The following LSAMP variants were observed in gnomAD, a reference collection of about 807,000 sequenced individuals.
The protein encoded by LSAMP is limbic system associated membrane protein.
Under a neutral mutation model 38.6 loss-of-function variants are expected in LSAMP, and 7 were observed. The ratio of observed to expected loss-of-function variants is 0.18; its 90% CI spans 0.10 to 0.34. LSAMP has a LOEUF of 0.34. Among genes scored for constraint, LSAMP ranks in the 10% least tolerant of loss-of-function variants. The pLI, the probability that LSAMP is intolerant of heterozygous loss-of-function variation, is 1.00. For missense variants in LSAMP, 313 were observed against 420.0 expected (o/e 0.75, Z 2.23); for synonymous variants, 154 against 166.8 (o/e 0.92, Z 0.59).
chr3:116,396,648 A>G, intron 1 of LSAMP, among the ~76,000 whole-genome samples: 1 of 152,246 alleles, frequency 6.6e-6, no homozygotes, highest in East Asian at 1.9e-4. Context: ...AGGATCTAGC[A>G]GTATATCCAT....
intron 1 of LSAMP, among the ~76,000 whole-genome samples, chr3:116,313,038 G>C (rs951531774): frequency 2.6e-4 from 39 of 152,054 alleles, no homozygotes; most frequent in Admixed American, 2.6e-3. Context: ...AAGTTCTTTG[G>C]AACAAAAACA....
chr3:116,377,516 T>C (rs2048509102), intron 1 of LSAMP, among the ~76,000 whole-genome samples: 1 of 152,094 alleles, frequency 6.6e-6, no homozygotes, highest in Admixed American at 6.6e-5. Context: ...GTCTTTGCTA[T>C]TTTGAATAGT....
chr3:116,023,354 G>A (rs1940691005), intron 2 of LSAMP, among the ~76,000 whole-genome samples: 1 of 151,764 alleles, frequency 6.6e-6, no homozygotes, highest in African/African-American at 2.4e-5. Context: ...CAGCACTTTG[G>A]GAGGCCGAGG....
chr3:115,865,565 C>T (rs1359674747), intron 3 of LSAMP, among the ~76,000 whole-genome samples: 1 of 152,160 alleles, frequency 6.6e-6, no homozygotes, highest in Non-Finnish European at 1.5e-5. Context: ...TGATCAGCAT[C>T]TGTACAGGTG....
intron 1 of LSAMP, among the ~76,000 whole-genome samples, chr3:116,397,083 T>C (rs1345090794): frequency 6.6e-6 from 1 of 152,162 alleles, no homozygotes; most frequent in Non-Finnish European, 1.5e-5. Context: ...CGTTAAGTCA[T>C]CGTGTCACTC....
intron 3 of LSAMP, among the ~76,000 whole-genome samples, chr3:115,927,184 A>G (rs993763462): frequency 7.2e-5 from 11 of 152,170 alleles, no homozygotes; most frequent in African/African-American, 1.2e-4. Context: ...ATCATAAAGG[A>G]CATTGATCTC....
intron 1 of LSAMP, among the ~76,000 whole-genome samples, chr3:116,321,034 A>G (rs189267298): frequency 2.6e-5 from 4 of 152,290 alleles, no homozygotes; most frequent in African/African-American, 9.6e-5. Flanking sequence ...AAAAGAAAAT[A>G]TCCTTCATTC....
chr3:116,281,388 A>T (rs957731709), intron 1 of LSAMP, among the ~76,000 whole-genome samples: 1 of 152,192 alleles, frequency 6.6e-6, no homozygotes, highest in Non-Finnish European at 1.5e-5. Flanking sequence ...CTTCCTTTGC[A>T]TTCATGACAA....
chr3:116,115,783 T>C (rs1285400423), intron 1 of LSAMP, among the ~76,000 whole-genome samples: 2 of 150,472 alleles, frequency 1.3e-5, no homozygotes, highest in East Asian at 1.9e-4. Context: ...AGTATTGCTA[T>C]TGAGAAGTCC....
At chr3:116,048,414 A>C (rs1032478764) in intron 2 of LSAMP, among the ~76,000 whole-genome samples, 4 of 152,204 alleles carry the variant, frequency 2.6e-5, no homozygotes, top group African/African-American at 9.7e-5. Context: ...GAGATTTTGA[A>C]ATATAGTGCA....
intron 1 of LSAMP, among the ~76,000 whole-genome samples, chr3:116,415,694 TA>T (rs2107846646): frequency 6.6e-6 from 1 of 152,250 alleles, no homozygotes; most frequent in Admixed American, 6.5e-5. Context: ...AGGTAAAGTA[TA>T]AACTCAAAAG....
At chr3:115,925,585 A>G (rs78099718) in intron 3 of LSAMP, among the ~76,000 whole-genome samples, 3,568 of 152,270 alleles carry the variant, frequency 0.023, 160 homozygotes, top group African/African-American at 0.079. Flanking sequence ...TAACAATAAA[A>G]TTATTTGAGA....
chr3:115,910,223 C>A (rs1937104864), intron 3 of LSAMP, among the ~76,000 whole-genome samples: 1 of 152,130 alleles, frequency 6.6e-6, no homozygotes, highest in Non-Finnish European at 1.5e-5. Context: ...CTCTTTTTTC[C>A]ACCAAGCACT....
chr3:115,847,561 T>A (rs1935199178), intron 4 of LSAMP, among the ~76,000 whole-genome samples: 1 of 152,120 alleles, frequency 6.6e-6, no homozygotes. Flanking sequence ...TCCCCACGTG[T>A]CAAAGAAAAG....
intron 2 of LSAMP, among the ~76,000 whole-genome samples, chr3:116,049,436 G>T (rs1364854390): frequency 1.3e-5 from 2 of 152,212 alleles, no homozygotes; most frequent in African/African-American, 2.4e-5. Flanking sequence ...ATTGCAAGGT[G>T]TTGGTTGCAT....
chr3:116,341,178 C>T (rs1472505059), intron 1 of LSAMP, among the ~76,000 whole-genome samples: 1 of 151,860 alleles, frequency 6.6e-6, no homozygotes, highest in Non-Finnish European at 1.5e-5. Flanking sequence ...AGCAAACTCT[C>T]AAAACCTTTA....
intron 3 of LSAMP, among the ~76,000 whole-genome samples, chr3:115,981,113 A>G (rs1339906989): frequency 1.3e-5 from 2 of 152,170 alleles, no homozygotes; most frequent in Non-Finnish European, 2.9e-5. Context: ...GTGTGAAATG[A>G]ATGTTGTTTC....
chr3:116,023,694 AT>A (rs1336947161), intron 2 of LSAMP, among the ~76,000 whole-genome samples: 3 of 151,274 alleles, frequency 2.0e-5, no homozygotes, highest in African/African-American at 4.9e-5. Flanking sequence ...ACAATCAGAT[AT>A]TTTTTTCCTA....
chr3:116,182,425 T>C (rs190735175), intron 1 of LSAMP, among the ~76,000 whole-genome samples: 2 of 151,338 alleles, frequency 1.3e-5, no homozygotes, highest in African/African-American at 2.4e-5. Context: ...AAAATAGAAA[T>C]AGTCTAGCAC....
Sources: allele counts gnomAD v4.1 joint callset (sites outside exome capture counted in the v4.1 genomes callset), GRCh38; gene constraint gnomAD v4.1.1; transcripts MANE v1.5; gene names NCBI Gene and HGNC (gene_info 2026-07-23, HGNC 2026-07-21).